WDR19: variants seen among roughly 807,000 people sequenced by gnomAD.
WDR19 encodes the protein WD repeat-containing protein 19.
Under a neutral mutation model 180.0 loss-of-function variants are expected in WDR19, and 121 were observed. The observed-to-expected ratio is 0.67, with a 90% CI of 0.58 to 0.78. The LOEUF is 0.78. WDR19 is among the 30% of genes least tolerant of loss of function. The pLI, the probability that WDR19 is intolerant of heterozygous loss-of-function variation, is 0.00. For missense variants in WDR19, 1,450 were observed against 1,640.7 expected, an observed-to-expected ratio of 0.88 and a Z score of 2.01; for synonymous variants, 497 against 540.7, an observed-to-expected ratio of 0.92 and a Z score of 1.12.
chr4:39,281,236 T>TATATATATATATAGAG (rs762298152), intron 36 of WDR19, among the ~76,000 whole-genome samples: 4 of 104,036 alleles, frequency 3.8e-5, no homozygotes, highest in African/African-American at 1.6e-4. Context: ...TATATATATA[T>TATATATATATATAGAG]AGAGAGAGAG....
At chr4:39,196,169 A>C (rs1560481087) in intron 5 of WDR19, among the ~76,000 whole-genome samples, 1 of 152,166 alleles carries the variant, frequency 6.6e-6, no homozygotes, top group Non-Finnish European at 1.5e-5. Flanking sequence ...CAAGTCCCTT[A>C]ATCTATGATC....
At position 39,189,791 on chromosome 4, in the gene WDR19, C is replaced by CT; in HGVS notation, c.290+15dup. On this transcript the variant is annotated intron_variant, in intron 4 of 36. Transcript: ENST00000399820. ...TAGACAATGGCATGAGGTAAGATAA[C>CT]TTTTTAATTTTTTAAAGCTTCACTT... 6.3e-7 allele frequency: 1 copy of CT among 1,586,146 alleles called. No homozygotes were observed. The highest frequency in any genetic ancestry group is 2.3e-5 in the East Asian group (1 of 43,850).
intron 20 of WDR19, among the ~76,000 whole-genome samples, chr4:39,240,058 T>C (rs1368611102): frequency 2.0e-5 from 3 of 151,596 alleles, no homozygotes; most frequent in Admixed American, 1.3e-4. Context: ...ATGCCTATAG[T>C]CTCAACTACT....
intron 24 of WDR19, among the ~76,000 whole-genome samples, chr4:39,246,641 G>T (rs190452602): frequency 5.9e-5 from 9 of 152,284 alleles, no homozygotes; most frequent in African/African-American, 1.7e-4. Context: ...CGTAAAATCG[G>T]GTCACTCCCA....
In WDR19 at chr4:39,182,571, A is replaced by C. The variant is rs747312301; in HGVS notation, c.6+8A>C. 6.2e-7 allele frequency: 1 copy of C among 1,613,616 alleles called. No individual in the cohort carries two copies. Among genetic ancestry groups the C allele is most frequent in the South Asian group, 1.1e-5 (1 of 91,054 alleles). On this transcript the variant is annotated splice_region_variant and intron_variant, in intron 1 of 36. Transcript: ENST00000399820. Reference sequence around the variant, plus strand: ...TCGAGCGTGGAGATGAAGGTAAATAACTTACAAATTCCCGGGGTGGGGCGG... The same window carrying C: ...TCGAGCGTGGAGATGAAGGTAAATACCTTACAAATTCCCGGGGTGGGGCGG...
intron 33 of WDR19, chr4:39,275,339 C>CA (rs1225402757): frequency 0.023 from 2,468 of 106,836 alleles, 1 homozygote; most frequent in East Asian, 0.042. Context: ...GACCCCATCT[C>CA]AAAAAAAAAA....
At position 39,190,598 on chromosome 4, in the gene WDR19, G is replaced by A. The variant is rs577587514; in HGVS notation, c.290+817G>A. ...GGAAGAGATCATATACACGCTATGA[G>A]ACCAGACTATAAGTTTTCAAGTTAT... On this transcript the variant is annotated intron_variant, in intron 4 of 36. Transcript: ENST00000399820. Among the ~76,000 whole-genome samples, 14 of 152,280 alleles carry A rather than the reference G, an allele frequency of 9.2e-5. 1 individual carries two copies. The South Asian group carries it at 2.9e-3, about 32-fold the overall frequency.
chr4:39,224,287 TA>T (rs2109347981), intron 14 of WDR19, among the ~76,000 whole-genome samples: 1 of 152,322 alleles, frequency 6.6e-6, no homozygotes, highest in African/African-American at 2.4e-5. Context: ...GTAGGAAATC[TA>T]AAAATCAATT....
rs550637172 is a variant in WDR19, at chr4:39,184,598, A to T, written c.7-1128A>T. ...TCTCGTGCCTCAGCCTCCCAAGTAG[A>T]TGGGATTACAGCAAGCGCCACCATG... On this transcript the variant is annotated intron_variant, in intron 1 of 36. Coordinates refer to ENST00000399820, the MANE Select transcript of WDR19 (RefSeq NM_025132.4). 9.9e-5 allele frequency among the ~76,000 whole-genome samples: 15 copies of T among 151,886 alleles called. No individual in the cohort carries two copies. In the East Asian group the frequency reaches 2.5e-3, roughly 26 times the overall value.
chr4:39,215,012 A>G (rs1221973761), intron 10 of WDR19, among the ~76,000 whole-genome samples: 1 of 152,178 alleles, frequency 6.6e-6, no homozygotes, highest in African/African-American at 2.4e-5. Context: ...ACCTCAGGTG[A>G]TCCGCCTGCC....
intron 29 of WDR19, among the ~76,000 whole-genome samples, chr4:39,266,901 T>C (rs1464149831): frequency 6.6e-6 from 1 of 152,190 alleles, no homozygotes; most frequent in Non-Finnish European, 1.5e-5. Flanking sequence ...CTGGCCAACA[T>C]GGCGAAACCC....
chr4:39,203,556 T>G (rs572403593), intron 6 of WDR19, 86 bp from the exon 7 acceptor site: 12 of 1,166,842 alleles, frequency 1.0e-5, no homozygotes, highest in African/African-American at 9.2e-5. Context: ...TAGTCAGGAA[T>G]GAAAACAAGT....
At chr4:39,221,633 T>A (rs1307443656) in intron 14 of WDR19, among the ~76,000 whole-genome samples, 1 of 152,166 alleles carries the variant, frequency 6.6e-6, no homozygotes, top group Non-Finnish European at 1.5e-5. Context: ...GTGAACATAC[T>A]CATCACCCCC....
At chr4:39,223,870 G>A (rs1288220476) in intron 14 of WDR19, among the ~76,000 whole-genome samples, 1 of 152,102 alleles carries the variant, frequency 6.6e-6, no homozygotes, top group African/African-American at 2.4e-5. Flanking sequence ...GAATAATTGT[G>A]TGTCTATCTA....
Position 39,224,873 on chromosome 4 carries a change from T to G in WDR19, c.1480-11T>G. ...TTATATTTTCATGGCTGGATTTTTTTTTTTTTTTAGACTGGTGTCGTTCAG... is the reference window on the plus strand; with the variant it reads ...TTATATTTTCATGGCTGGATTTTTTGTTTTTTTTAGACTGGTGTCGTTCAG... On this transcript the variant is annotated splice_polypyrimidine_tract_variant and intron_variant, in intron 14 of 36. Transcript: ENST00000399820. 6.9e-7 allele frequency: 1 copy of G among 1,443,026 alleles called. No individual in the cohort carries two copies. The highest frequency in any genetic ancestry group is 9.1e-7 in the Non-Finnish European group (1 of 1,093,792). 89.4% of individuals were successfully genotyped at this position (1,443,026 alleles called of 1,614,324 possible).
At chr4:39,209,947 A>ACTGCAAACTACCAAAAG (rs1165857384) in intron 9 of WDR19, among the ~76,000 whole-genome samples, 2 of 152,114 alleles carry the variant, frequency 1.3e-5, no homozygotes, top group Non-Finnish European at 2.9e-5. Context: ...TTCTTTGAAA[A>ACTGCAAACTACCAAAAG]CTGCAAACTA....
intron 14 of WDR19, among the ~76,000 whole-genome samples, chr4:39,223,356 A>C (rs1466545544): frequency 2.6e-5 from 4 of 152,126 alleles, no homozygotes; most frequent in African/African-American, 9.7e-5. Context: ...TTTGAGATGG[A>C]GTCTCGCTCT....
chr4:39,223,475 C>T (rs1357640082), intron 14 of WDR19, among the ~76,000 whole-genome samples: 1 of 151,988 alleles, frequency 6.6e-6, no homozygotes, highest in Non-Finnish European at 1.5e-5. Flanking sequence ...GGATTACAGG[C>T]ACACGCCACC....
Position 39,240,290 on chromosome 4 carries a change from A to G in WDR19, c.2377A>G (p.Asn793Asp), listed in dbSNP as rs780435361. Residue 793 changes from asparagine to aspartate, a missense_variant, in exon 21 of 37, where the codon AAT becomes GAT. Coordinates refer to ENST00000399820, the MANE Select transcript of WDR19 (RefSeq NM_025132.4). ...TTTTTTTTTCAGGGGTGATTATGTA[A>G]ATGCTTTGGCTCATTATGAGAAAGG... Reference protein sequence around the residue: ...IQLEFAGDYVNALAHYEKGIT... With the variant: ...IQLEFAGDYVDALAHYEKGIT... The G allele has an allele frequency of 9.9e-6, 14 of 1,418,054 alleles. No individual in the cohort carries two copies. Among genetic ancestry groups the G allele is most frequent in the African/African-American group, 1.5e-5 (1 of 67,412 alleles). 87.8% of individuals were successfully genotyped at this position (1,418,054 alleles called of 1,614,324 possible). A position where few individuals can be genotyped will look rare whatever the true frequency, so the allele number is the denominator to read the frequency against.
Sources: allele counts gnomAD v4.1 joint callset (sites outside exome capture counted in the v4.1 genomes callset), GRCh38; gene constraint gnomAD v4.1.1; transcripts MANE v1.5; gene names NCBI Gene and HGNC (gene_info 2026-07-23, HGNC 2026-07-21).